GRID2IP: variants seen among roughly 807,000 people sequenced by gnomAD.
The protein encoded by GRID2IP is Grid2 interacting protein, also known as delphilin.
GRID2IP carries 78 observed loss-of-function variants against 114.3 expected under a neutral mutation model. The ratio of observed to expected loss-of-function variants is 0.68; its 90% CI spans 0.57 to 0.82. The LOEUF (loss-of-function observed/expected upper bound fraction) is 0.82, where lower values mean the gene tolerates loss of function less well. GRID2IP is among the 40% of genes least tolerant of loss of function. The probability of loss-of-function intolerance (pLI) is 0.00; values close to 1 mark genes in which losing one functional copy is unlikely to be tolerated. For synonymous variants in GRID2IP, 809 were observed against 724.0 expected (o/e 1.12, Z -1.89); for missense variants, 1,727 against 1,678.5 (o/e 1.03, Z -0.51).
chr7:6,550,657 CAA>C (rs71008400), intron 1 of GRID2IP, among the ~76,000 whole-genome samples: 1,487 of 97,066 alleles, frequency 0.015, 18 homozygotes, highest in African/African-American at 0.042. Flanking sequence ...CTAAAAATAC[CAA>C]AAAAAAAAAA....
chr7:6,517,728 C>T (rs1303844978), intron 7 of GRID2IP, among the ~76,000 whole-genome samples: 1 of 151,458 alleles, frequency 6.6e-6, no homozygotes, highest in East Asian at 1.9e-4. Flanking sequence ...CATGGTGAAA[C>T]CCCATCTCTA....
At chr7:6,514,317 G>C in intron 8 of GRID2IP, 58 bp downstream of exon 8, 17 of 1,382,462 alleles carry the variant, frequency 1.2e-5, no homozygotes, top group Non-Finnish European at 1.5e-5. Flanking sequence ...CTGTTCACCT[G>C]GTGAGCTGGA....
chr7:6,508,695 G>C lies in GRID2IP; in HGVS notation c.2127+263C>G, dbSNP rs1786669031. 6.6e-6 allele frequency among the ~76,000 whole-genome samples: 1 copy of C among 152,146 alleles called. No homozygotes were observed. The highest frequency in any genetic ancestry group is 1.5e-5 in the Non-Finnish European group (1 of 68,022). On this transcript the variant is annotated intron_variant, in intron 12 of 21. Transcript: ENST00000457091. This position sits in a 1 kb window ranked among gnomAD's most constrained non-coding sequence, Gnocchi z 5.6. ...CCCTGTCACGGGTTAGCCTCAGGCT[G>C]TGAGTGGGATAGCCTGAGCTAAGGA... is the stretch of plus-strand genomic sequence containing the variant.
intron 1 of GRID2IP, among the ~76,000 whole-genome samples, chr7:6,541,126 C>A (rs1439159445): frequency 6.6e-6 from 1 of 151,786 alleles, no homozygotes; most frequent in African/African-American, 2.4e-5. Context: ...TTCAAGTGAT[C>A]CTTCCACCAC....
chr7:6,535,753 A>C (rs1199798171), intron 2 of GRID2IP, among the ~76,000 whole-genome samples: 1 of 152,082 alleles, frequency 6.6e-6, no homozygotes, highest in Non-Finnish European at 1.5e-5. Flanking sequence ...TTAGGGCCCA[A>C]GTGGTGGCTC....
At position 6,503,541 on chromosome 7, in the gene GRID2IP, A is replaced by C. The variant is rs1234880454; in HGVS notation, c.2857T>G (p.Phe953Val). 6.5e-7 allele frequency: 1 copy of C among 1,527,068 alleles called. No homozygotes were observed. Among genetic ancestry groups the C allele is most frequent in the Non-Finnish European group, 8.7e-7 (1 of 1,143,584 alleles). 94.6% of individuals were successfully genotyped at this position (1,527,068 alleles called of 1,614,324 possible). A position where few individuals can be genotyped will look rare whatever the true frequency, so the allele number is the denominator to read the frequency against. Residue 953 changes from phenylalanine (F) to valine (V), a missense_variant, in exon 16 of 22, where the codon TTC becomes GTC. Phe to Val is a conservative substitution (Grantham distance 50, BLOSUM62 -1). Transcript: ENST00000457091. ...CTGAGGCGGCCGGGCGCCTCGCGGA[A>C]GGCCTGGTAGCGCTGCTCCTCGTCG... is the stretch of plus-strand genomic sequence containing the variant. ...DADEEQRYQA[F>V]REAPGRLSEP...
chr7:6,511,874 C>T (rs1562515436), intron 8 of GRID2IP, among the ~76,000 whole-genome samples: 1 of 151,882 alleles, frequency 6.6e-6, no homozygotes, highest in Non-Finnish European at 1.5e-5. Flanking sequence ...CTCACTTTCT[C>T]TCTTTCTCTC....
intron 7 of GRID2IP, among the ~76,000 whole-genome samples, chr7:6,517,626 C>G (rs1779334446): frequency 6.6e-6 from 1 of 152,064 alleles, no homozygotes; most frequent in African/African-American, 2.4e-5. Context: ...ACAAAGGTGT[C>G]CAGCCGTCGT....
At chr7:6,549,113 A>G (rs1408098545) in intron 1 of GRID2IP, among the ~76,000 whole-genome samples, 1 of 152,202 alleles carries the variant, frequency 6.6e-6, no homozygotes, top group Admixed American at 6.5e-5. Flanking sequence ...GGACCTAGTC[A>G]GTGGCCTGGG....
Position 6,510,714 on chromosome 7 carries a change from G to A in GRID2IP, c.1556-8C>T, listed in dbSNP as rs536651139. The stretch of plus-strand genomic sequence containing the variant: ...CAGGGCACTCGCTGGGACCTACCGG[G>A]GAATAATGTCATTACCGTATCTGAG... On this transcript the variant is annotated splice_region_variant and splice_polypyrimidine_tract_variant and intron_variant, in intron 9 of 21. Coordinates refer to ENST00000457091, the MANE Select transcript of GRID2IP (RefSeq NM_001145118.2). 8.4e-4 allele frequency: 1,304 copies of A among 1,547,148 alleles called. 1 individual carries two copies. The highest frequency in any genetic ancestry group is 1.1e-3 in the Non-Finnish European group (1,208 of 1,144,394).
At chr7:6,511,595 G>T (rs1583338525) in intron 8 of GRID2IP, among the ~76,000 whole-genome samples, 1 of 152,168 alleles carries the variant, frequency 6.6e-6, no homozygotes, top group Non-Finnish European at 1.5e-5. Context: ...CTGGTCTCAA[G>T]TTCCTGACCT....
chr7:6,510,621 G>C lies in GRID2IP; in HGVS notation c.1641C>G (p.Pro547=). ...AGDGTSLPET[P]NPKMMSAVYA... Reference sequence around the variant, plus strand: ...GAGAAGGTCTCACCATCTTGGGGTTGGGGGTCTCAGGGAGGGACGTGCCGT... The same window carrying C: ...GAGAAGGTCTCACCATCTTGGGGTTCGGGGTCTCAGGGAGGGACGTGCCGT... The change falls in exon 10 of 22, where the codon CCC becomes CCG. Residue 547 remains proline (P), a synonymous_variant. Transcript: ENST00000457091. 1 of 1,535,688 alleles carries C rather than the reference G, an allele frequency of 6.5e-7. No homozygotes were observed. The highest frequency in any genetic ancestry group is 8.8e-7 in the Non-Finnish European group (1 of 1,141,678).
intron 15 of GRID2IP, among the ~76,000 whole-genome samples, chr7:6,504,289 G>C (rs1489213836): frequency 4.0e-5 from 6 of 151,776 alleles, no homozygotes; most frequent in Admixed American, 3.9e-4. Context: ...GGAGAGGGCG[G>C]GGCCCAGCAG....
rs74765208 is a variant in GRID2IP, at chr7:6,528,412, C to A, written c.585-1643G>T. 5.0e-3 allele frequency among the ~76,000 whole-genome samples: 764 copies of A among 152,302 alleles called. 5 individuals are homozygous for A. The highest frequency in any genetic ancestry group is 0.016 in the African/African-American group (661 of 41,562). On this transcript the variant is annotated intron_variant, in intron 2 of 21. Transcript: ENST00000457091. This position sits in a 1 kb window ranked among gnomAD's most constrained non-coding sequence, Gnocchi z 6.0. ...GGACCTGTAGCTCTCCACGGTTACA[C>A]AGCTGGCCTGTGGCACAGCTGGCAT...
intron 2 of GRID2IP, among the ~76,000 whole-genome samples, chr7:6,535,950 C>T (rs915666749): frequency 3.3e-5 from 5 of 152,158 alleles, no homozygotes; most frequent in African/African-American, 1.2e-4. Flanking sequence ...GCCACAGCAC[C>T]GCCACCTCCT....
chr7:6,550,980 G>GGGCCCCCCCC, intron 1 of GRID2IP, 28 bp downstream of exon 1: 2 of 550,066 alleles, frequency 3.6e-6, no homozygotes, highest in Non-Finnish European at 4.6e-6. Flanking sequence ...CCTCCTTCCC[G>GGGCCCCCCCC]CCCCCACCTC....
chr7:6,503,860 T>A (rs1786492736), intron 15 of GRID2IP, among the ~76,000 whole-genome samples, 173 bp from the exon 16 acceptor site: 1 of 148,622 alleles, frequency 6.7e-6, no homozygotes, highest in Non-Finnish European at 1.5e-5. Context: ...GACAAGAGGC[T>A]GAGCTGAGGC....
intron 8 of GRID2IP, among the ~76,000 whole-genome samples, 154 bp from the exon 9 acceptor site, chr7:6,511,193 G>A (rs747345661): frequency 1.3e-5 from 2 of 152,158 alleles, no homozygotes; most frequent in African/African-American, 2.4e-5. Context: ...AGCTCTTGAG[G>A]GGAAGCCCCA....
chr7:6,525,073 G>T (rs1779484448), intron 4 of GRID2IP, among the ~76,000 whole-genome samples: 1 of 152,096 alleles, frequency 6.6e-6, no homozygotes, highest in Admixed American at 6.5e-5. Flanking sequence ...AGGAGGCCAA[G>T]ACGGGTGGAT....
Sources: allele counts gnomAD v4.1 joint callset (sites outside exome capture counted in the v4.1 genomes callset), GRCh38; gene constraint gnomAD v4.1.1; non-coding constraint Gnocchi (gnomAD v3.1); transcripts MANE v1.5; gene names NCBI Gene and HGNC (gene_info 2026-07-23, HGNC 2026-07-21).